Variants in KHDC1 observed in about 807,000 individuals in gnomAD.
KHDC1 encodes KH homology domain-containing protein 1.
Under a neutral mutation model 24.7 loss-of-function variants are expected in KHDC1, and 21 were observed. The ratio of observed to expected loss-of-function variants is 0.85; its 90% CI spans 0.60 to 1.23. KHDC1 has a LOEUF of 1.23. Among genes scored for constraint, KHDC1 ranks in the 50% most tolerant of loss-of-function variants. The probability of loss-of-function intolerance (pLI) is 0.00; values close to 1 mark genes in which losing one functional copy is unlikely to be tolerated. For synonymous variants in KHDC1, 98 were observed against 111.7 expected (o/e 0.88, Z 0.77); for missense variants, 274 against 298.5 (o/e 0.92, Z 0.61).
At chr6:73,275,167 A>G (rs1767258485) in intron 2 of KHDC1, 1 of 152,430 alleles carries the variant, frequency 6.6e-6, no homozygotes, top group South Asian at 2.1e-4. Context: ...AGCCTGACCA[A>G]CATGGAGAAA....
At chr6:73,283,985 G>T (rs985121699) in intron 2 of KHDC1, among the ~76,000 whole-genome samples, 16 of 151,814 alleles carry the variant, frequency 1.1e-4, no homozygotes, top group Non-Finnish European at 4.4e-5. Context: ...AGTCTAGCAT[G>T]GCTGACCCCA....
At chr6:73,277,668 T>G (rs1280783498) in intron 2 of KHDC1, among the ~76,000 whole-genome samples, 1 of 150,620 alleles carries the variant, frequency 6.6e-6, no homozygotes, top group Non-Finnish European at 1.5e-5. Context: ...CTAGGCAGTA[T>G]AGTGAGACCT....
intron 2 of KHDC1, chr6:73,269,583 C>T (rs1296074008): frequency 6.6e-6 from 1 of 152,130 alleles, no homozygotes; most frequent in African/African-American, 2.4e-5. Context: ...TTACGAATGC[C>T]CTCCTTATTC....
intron 2 of KHDC1, chr6:73,276,193 T>C (rs1262370302): frequency 6.8e-6 from 1 of 146,154 alleles, no homozygotes. Context: ...AGATTCTGTC[T>C]AAAAAAAAAG....
rs530291607 is a variant in KHDC1 at position 73,265,386 on chromosome 6, G to A, written c.207-22856C>T. On this transcript the variant is annotated intron_variant, in intron 2 of 4. Coordinates refer to ENST00000370384, the Ensembl canonical transcript of KHDC1. ...CTCTACAAAAATACAGAAATTAGTC[G>A]GGCATGATGGTGGGTGCCTGTAATC... is the stretch of plus-strand genomic sequence containing the variant. 9.9e-5 allele frequency among the ~76,000 whole-genome samples: 15 copies of A among 152,094 alleles called. 1 individual carries two copies. Among genetic ancestry groups the A allele is most frequent in the African/African-American group, 3.1e-4 (13 of 41,520 alleles).
intron 1 of KHDC1, among the ~76,000 whole-genome samples, chr6:73,298,492 G>A (rs187114860): frequency 0.13 from 16,449 of 126,630 alleles, 1,532 homozygotes; most frequent in African/African-American, 0.24. Flanking sequence ...CTGGAGTGCA[G>A]TGTCGCAATC....
intron 2 of KHDC1, among the ~76,000 whole-genome samples, chr6:73,290,035 G>A (rs2150722253): frequency 6.9e-6 from 1 of 145,490 alleles, no homozygotes; most frequent in African/African-American, 2.6e-5. Context: ...GGGAAGCGGA[G>A]CTTGCAGTGA....
chr6:73,282,318 G>A (rs1473052895), intron 2 of KHDC1, among the ~76,000 whole-genome samples: 1 of 151,616 alleles, frequency 6.6e-6, no homozygotes. Flanking sequence ...TAAAGTAAGC[G>A]CCATTTTCAT....
At chr6:73,277,480 A>G (rs1767319169) in intron 2 of KHDC1, among the ~76,000 whole-genome samples, 1 of 152,130 alleles carries the variant, frequency 6.6e-6, no homozygotes, top group Non-Finnish European at 1.5e-5. Context: ...AAAACAGAAC[A>G]AGTCTGTCAT....
chr6:73,299,786 A>T (rs1311149952), intron 1 of KHDC1: 1 of 152,214 alleles, frequency 6.6e-6, no homozygotes, highest in Non-Finnish European at 1.5e-5. Context: ...TTTGATACAG[A>T]TCAGGTTTTC....
intron 2 of KHDC1, among the ~76,000 whole-genome samples, chr6:73,253,324 G>T (rs193038033): frequency 2.0e-3 from 307 of 152,208 alleles, no homozygotes; most frequent in African/African-American, 7.0e-3. Context: ...GGGAGGCCGA[G>T]GGGGGTGGAT....
chr6:73,292,430 T>C lies in KHDC1; in HGVS notation c.164-390A>G, dbSNP rs183513861. The C allele has an allele frequency of 1.6e-4, 126 of 775,832 alleles. 6 individuals carry two copies. The African/African-American group carries it at 2.1e-3, about 13-fold the overall frequency. The allele number at this position is 775,832 out of a possible 1,614,324, so 48.1% of individuals were successfully genotyped here. A position where few individuals can be genotyped will look rare whatever the true frequency, so the allele number is the denominator to read the frequency against. On this transcript the variant is annotated intron_variant, in intron 1 of 4. Coordinates refer to ENST00000370384, the Ensembl canonical transcript of KHDC1. The stretch of plus-strand genomic sequence containing the variant: ...AGAATATCTTTATTTTTTCAGAGTG[T>C]TGGTTCCAGCAACAGACAGAAATGC...
At chr6:73,261,440 T>A (rs1265751566) in intron 2 of KHDC1, among the ~76,000 whole-genome samples, 3 of 150,130 alleles carry the variant, frequency 2.0e-5, no homozygotes, top group Admixed American at 6.7e-5. Flanking sequence ...TCTCAAAAAA[T>A]AAATAAATAA....
At chr6:73,266,587 T>C (rs570613540) in intron 2 of KHDC1, among the ~76,000 whole-genome samples, 1 of 152,330 alleles carries the variant, frequency 6.6e-6, no homozygotes, top group East Asian at 1.9e-4. Context: ...CAAAAGAATG[T>C]TGTTGGCCTC....
At chr6:73,291,069 T>G (rs551706738) in intron 2 of KHDC1, 2 of 429,666 alleles carry the variant, frequency 4.7e-6, no homozygotes, top group African/African-American at 4.1e-5. Context: ...AATTTCAAAG[T>G]GAATGGACTG....
At chr6:73,288,189 G>C (rs1435282634) in intron 2 of KHDC1, among the ~76,000 whole-genome samples, 1 of 152,224 alleles carries the variant, frequency 6.6e-6, no homozygotes, top group Non-Finnish European at 1.5e-5. Flanking sequence ...CAACCAAGTG[G>C]TGGCACTAAT....
intron 2 of KHDC1, among the ~76,000 whole-genome samples, chr6:73,283,782 G>A (rs1300276881): frequency 6.6e-6 from 1 of 151,018 alleles, no homozygotes; most frequent in African/African-American, 2.4e-5. Flanking sequence ...CATCGTGTTG[G>A]CCAGGCTGGT....
intron 1 of KHDC1, among the ~76,000 whole-genome samples, chr6:73,304,726 T>G (rs1048392699): frequency 1.3e-5 from 2 of 152,214 alleles, no homozygotes; most frequent in Admixed American, 1.3e-4. Context: ...ATTGCTAGAC[T>G]TAGCCTAATA....
At chr6:73,276,487 A>C (rs1767301817) in intron 2 of KHDC1, 1 of 108,206 alleles carries the variant, frequency 9.2e-6, no homozygotes, top group Non-Finnish European at 1.9e-5. Flanking sequence ...ACTTCATCTC[A>C]AAAAAAGAAA....
Sources: gnomAD v4.1 joint callset for allele counts (sites outside exome capture counted in the v4.1 genomes callset) on GRCh38, gnomAD v4.1.1 for gene constraint, MANE v1.5 for transcripts, NCBI Gene and HGNC (gene_info 2026-07-23, HGNC 2026-07-21) for gene names.